Variants in CAMTA1 observed in about 807,000 individuals in gnomAD.
The protein encoded by CAMTA1 is calmodulin-binding transcription activator 1.
A neutral mutation model predicts 170.9 loss-of-function variants in CAMTA1; 27 were observed. The observed-to-expected ratio is 0.16, with a 90% confidence interval of 0.12 to 0.22. The LOEUF (loss-of-function observed/expected upper bound fraction) is 0.22. Ranked by LOEUF, CAMTA1 falls within the 10% of genes least tolerant of loss-of-function variation. The probability of loss-of-function intolerance (pLI) is 1.00; values close to 1 mark genes in which losing one functional copy is unlikely to be tolerated. For missense variants in CAMTA1, 1,619 were observed against 2,217.2 expected (o/e 0.73, Z 5.42); for synonymous variants, 833 against 891.5 (o/e 0.93, Z 1.17).
chr1:6,793,754 A>C (rs1263913570), intron 1 of CAMTA1, among the ~76,000 whole-genome samples: 2 of 152,220 alleles, frequency 1.3e-5, no homozygotes, highest in African/African-American at 4.8e-5. Flanking sequence ...TTTTGAAAAA[A>C]AGTTATTGTC....
chr1:7,118,540 C>T (rs1384181074), intron 4 of CAMTA1, among the ~76,000 whole-genome samples: 6 of 151,738 alleles, frequency 4.0e-5, no homozygotes. Context: ...AGTGGGATGG[C>T]TGTTGGCTAG....
chr1:7,667,922 C>T (rs1037437901), intron 9 of CAMTA1, among the ~76,000 whole-genome samples: 1 of 152,238 alleles, frequency 6.6e-6, no homozygotes, highest in Admixed American at 6.5e-5. Context: ...AGTGAGGCCT[C>T]AGAGGTTGTG....
chr1:7,410,332 C>T (rs1036691503), intron 5 of CAMTA1, among the ~76,000 whole-genome samples: 7 of 152,188 alleles, frequency 4.6e-5, no homozygotes, highest in Admixed American at 3.9e-4. Context: ...CAGAGCTGCC[C>T]CCTGAGCTGC....
intron 11 of CAMTA1, among the ~76,000 whole-genome samples, chr1:7,714,330 C>T (rs1237448549): frequency 1.3e-5 from 2 of 152,156 alleles, no homozygotes; most frequent in Admixed American, 1.3e-4. Context: ...AGCATGTATT[C>T]CTCTGAATGG....
At chr1:6,943,640 G>C (rs565208815) in intron 3 of CAMTA1, among the ~76,000 whole-genome samples, 12 of 152,022 alleles carry the variant, frequency 7.9e-5, no homozygotes, top group Non-Finnish European at 1.6e-4. Flanking sequence ...CGAGATCAGA[G>C]TTCGAGACCA....
chr1:7,729,205 C>T (rs537189194), intron 11 of CAMTA1, among the ~76,000 whole-genome samples: 1 of 151,902 alleles, frequency 6.6e-6, no homozygotes, highest in East Asian at 1.9e-4. Context: ...TAACCTCCAC[C>T]TCCTGAGTTC....
chr1:7,111,628 GTA>G (rs1315009178), intron 4 of CAMTA1, among the ~76,000 whole-genome samples: 1 of 152,146 alleles, frequency 6.6e-6, no homozygotes, highest in Admixed American at 6.5e-5. Context: ...GTTCACACCT[GTA>G]ATCCCAGCAC....
chr1:7,622,462 A>G (rs898333004), intron 6 of CAMTA1, among the ~76,000 whole-genome samples: 10 of 152,360 alleles, frequency 6.6e-5, no homozygotes, highest in Non-Finnish European at 1.5e-4. Flanking sequence ...CAAAGTTAGT[A>G]TCCGCTATTG....
At chr1:6,927,286 GCCTCC>G (rs1683485834) in intron 3 of CAMTA1, among the ~76,000 whole-genome samples, 1 of 152,044 alleles carries the variant, frequency 6.6e-6, no homozygotes, top group Non-Finnish European at 1.5e-5. Flanking sequence ...GACCACGTCA[GCCTCC>G]CAACGCGCTG....
At chr1:7,504,662 T>C (rs1468711902) in intron 6 of CAMTA1, among the ~76,000 whole-genome samples, 2 of 152,232 alleles carry the variant, frequency 1.3e-5, no homozygotes, top group African/African-American at 4.8e-5. Context: ...AGCCATGTAC[T>C]AGAGGGGAGA....
At chr1:7,336,878 G>T (rs1284298048) in intron 5 of CAMTA1, among the ~76,000 whole-genome samples, 2 of 152,198 alleles carry the variant, frequency 1.3e-5, no homozygotes, top group Non-Finnish European at 2.9e-5. Context: ...CTGTCCTTTG[G>T]AGTCCCCACA....
intron 7 of CAMTA1, among the ~76,000 whole-genome samples, chr1:7,655,149 TAC>T (rs751819921): frequency 2.3e-4 from 23 of 98,254 alleles, no homozygotes; most frequent in East Asian, 1.2e-3. Flanking sequence ...AACCCACCTA[TAC>T]ACACACCTAT....
chr1:6,798,129 A>G (rs948503054), intron 1 of CAMTA1, among the ~76,000 whole-genome samples: 1 of 151,132 alleles, frequency 6.6e-6, no homozygotes, highest in African/African-American at 2.4e-5. Context: ...CCAAGTAGCT[A>G]GGATTACAGG....
chr1:7,398,034 A>G (rs1437522847), intron 5 of CAMTA1, among the ~76,000 whole-genome samples: 1 of 150,628 alleles, frequency 6.6e-6, no homozygotes, highest in Non-Finnish European at 1.5e-5. Flanking sequence ...TAATGTTTCT[A>G]TGTTGATTTT....
chr1:7,041,508 G>A lies in CAMTA1; in HGVS notation c.235-49796G>A, dbSNP rs1174830011. 3.3e-5 allele frequency among the ~76,000 whole-genome samples: 5 copies of A among 152,248 alleles called. No homozygotes were observed. The highest frequency in any genetic ancestry group is 5.9e-5 in the Non-Finnish European group (4 of 68,038). On this transcript the variant is annotated intron_variant, in intron 3 of 22. Coordinates refer to ENST00000303635, the MANE Select transcript of CAMTA1 (RefSeq NM_015215.4). The surrounding 1 kb of genome is among the most constrained non-coding windows in gnomAD (Gnocchi z 5.1). ...ATTTTGCATTGAACTGTGTCGTTAT[G>A]TGGGGCTGAGAAACTCTTACGAAAT...
chr1:7,346,446 C>T lies in CAMTA1; in HGVS notation c.438+96820C>T, dbSNP rs539171568. ...GGGGGAACTACAGCAAGAAAAGGCC[C>T]AGAATTAGCCTAAAATGTAAACAGC... On this transcript the variant is annotated intron_variant, in intron 5 of 22. Transcript: ENST00000303635. 3.3e-5 allele frequency among the ~76,000 whole-genome samples: 5 copies of T among 152,242 alleles called. No homozygotes were observed. In the South Asian group the frequency reaches 1.0e-3, roughly 32 times the overall value.
At chr1:7,089,502 A>G (rs1641192949) in intron 3 of CAMTA1, among the ~76,000 whole-genome samples, 2 of 151,614 alleles carry the variant, frequency 1.3e-5, no homozygotes, top group African/African-American at 4.9e-5. Flanking sequence ...GTGCATGCAT[A>G]TTTACTTCTG....
At chr1:7,148,138 C>A (rs530031937) in intron 4 of CAMTA1, among the ~76,000 whole-genome samples, 9 of 150,750 alleles carry the variant, frequency 6.0e-5, no homozygotes, top group Admixed American at 5.9e-4. Flanking sequence ...ATACACAATG[C>A]ATACACACAC....
At chr1:7,021,171 G>T (rs1445709796) in intron 3 of CAMTA1, among the ~76,000 whole-genome samples, 1 of 152,248 alleles carries the variant, frequency 6.6e-6, no homozygotes, top group Non-Finnish European at 1.5e-5. Context: ...TTGCCAAGTG[G>T]AATCACTCTG....
Sources: allele counts gnomAD v4.1 joint callset (sites outside exome capture counted in the v4.1 genomes callset), GRCh38; gene constraint gnomAD v4.1.1; non-coding constraint Gnocchi (gnomAD v3.1); transcripts MANE v1.5; gene names NCBI Gene and HGNC (gene_info 2026-07-23, HGNC 2026-07-21).